RBFOX1: variants seen among roughly 807,000 people sequenced by gnomAD.
The protein encoded by RBFOX1 is RNA binding fox-1 homolog 1, also known as RNA binding protein fox-1 homolog 1.
Under a neutral mutation model 57.7 loss-of-function variants are expected in RBFOX1, and 8 were observed. The ratio of observed to expected loss-of-function variants is 0.14; its 90% CI spans 0.08 to 0.25. The LOEUF (loss-of-function observed/expected upper bound fraction) is 0.25. RBFOX1 is among the 10% of genes least tolerant of loss of function. The pLI is 1.00. For synonymous variants in RBFOX1, 326 were observed against 222.4 expected (o/e 1.47, Z -4.15); for missense variants, 611 against 548.5 (o/e 1.11, Z -1.14).
At chr16:6,843,990 C>G (rs1256408535) in intron 3 of RBFOX1, among the ~76,000 whole-genome samples, 1 of 152,208 alleles carries the variant, frequency 6.6e-6, no homozygotes. Context: ...TCACTATTAA[C>G]AAAGGATATG....
At chr16:5,814,576 C>G (rs1255050947) in intron 3 of RBFOX1, among the ~76,000 whole-genome samples, 6 of 152,206 alleles carry the variant, frequency 3.9e-5, no homozygotes, top group African/African-American at 1.4e-4. Flanking sequence ...TGAAAGTAGT[C>G]AGCGGTAGAG....
intron 4 of RBFOX1, among the ~76,000 whole-genome samples, chr16:7,299,013 A>T (rs1416778666): frequency 6.6e-6 from 1 of 152,192 alleles, no homozygotes; most frequent in African/African-American, 2.4e-5. Flanking sequence ...TGGTTTATGT[A>T]TCATGTATCT....
chr16:6,500,713 C>A (rs757655952), intron 2 of RBFOX1, among the ~76,000 whole-genome samples: 1 of 151,300 alleles, frequency 6.6e-6, no homozygotes, highest in Non-Finnish European at 1.5e-5. Flanking sequence ...TGGACACTGA[C>A]ATCAACACTT....
intron 4 of RBFOX1, among the ~76,000 whole-genome samples, chr16:7,476,709 G>T (rs988475877): frequency 6.6e-6 from 1 of 152,098 alleles, no homozygotes; most frequent in Non-Finnish European, 1.5e-5. Flanking sequence ...TCCCCAGAAA[G>T]ACCCCTCTGA....
chr16:7,358,868 C>G (rs1167592381), intron 4 of RBFOX1, among the ~76,000 whole-genome samples: 2 of 152,316 alleles, frequency 1.3e-5, no homozygotes, highest in South Asian at 4.1e-4. Flanking sequence ...AAGTAACTTT[C>G]TAAGGACAAG....
At chr16:7,160,311 G>T (rs2078038976) in intron 4 of RBFOX1, among the ~76,000 whole-genome samples, 1 of 151,810 alleles carries the variant, frequency 6.6e-6, no homozygotes. Flanking sequence ...TTAGTCTTCT[G>T]GACTTTGACT....
At chr16:5,675,319 G>A (rs1013803282) in intron 3 of RBFOX1, among the ~76,000 whole-genome samples, 2 of 152,160 alleles carry the variant, frequency 1.3e-5, no homozygotes, top group South Asian at 4.1e-4. Context: ...ACCAGCCCAG[G>A]AAGCTCTCCT....
chr16:6,463,529 G>A (rs1200691696), intron 2 of RBFOX1, among the ~76,000 whole-genome samples: 1 of 152,090 alleles, frequency 6.6e-6, no homozygotes, highest in Non-Finnish European at 1.5e-5. Flanking sequence ...GGGGGTCGGG[G>A]CGGAGTGTAA....
At chr16:6,481,655 T>C (rs1211377862) in intron 2 of RBFOX1, among the ~76,000 whole-genome samples, 1 of 152,214 alleles carries the variant, frequency 6.6e-6, no homozygotes, top group East Asian at 1.9e-4. Flanking sequence ...CCATTTTACC[T>C]GGTGCTGTTG....
At chr16:5,863,462 C>T (rs557673000) in intron 3 of RBFOX1, among the ~76,000 whole-genome samples, 2 of 152,302 alleles carry the variant, frequency 1.3e-5, no homozygotes, top group East Asian at 3.9e-4. Context: ...CTTAAAGAGC[C>T]CTCCATCCTC....
intron 2 of RBFOX1, among the ~76,000 whole-genome samples, chr16:6,371,565 G>A (rs901219230): frequency 2.0e-5 from 3 of 151,894 alleles, no homozygotes; most frequent in Non-Finnish European, 2.9e-5. Context: ...TTATTCCTTG[G>A]CACCAGAAGA....
chr16:7,085,395 C>G (rs2059838315), intron 4 of RBFOX1, among the ~76,000 whole-genome samples: 1 of 152,072 alleles, frequency 6.6e-6, no homozygotes, highest in African/African-American at 2.4e-5. Flanking sequence ...TTTGAAATCT[C>G]TTGGTTTTTA....
chr16:6,352,298 G>A (rs968704610), intron 2 of RBFOX1, among the ~76,000 whole-genome samples: 1 of 151,994 alleles, frequency 6.6e-6, no homozygotes, highest in Non-Finnish European at 1.5e-5. Context: ...TTCTTTTGTT[G>A]CTAGGACCAT....
At chr16:6,421,942 G>A in intron 2 of RBFOX1, among the ~76,000 whole-genome samples, 1 of 23,220 alleles carries the variant, frequency 4.3e-5, no homozygotes, top group South Asian at 1.4e-3. Context: ...TTTTTTTTTT[G>A]TGGAGTCTCA....
chr16:5,905,814 C>T lies in RBFOX1; in HGVS notation c.351+38479C>T, dbSNP rs1044030673. Among the ~76,000 whole-genome samples the T allele has an allele frequency of 3.9e-5, 6 of 152,142 alleles. No individual in the cohort carries two copies. In the East Asian group the frequency reaches 7.7e-4, roughly 20 times the overall value. On this transcript the variant is annotated intron_variant, in intron 4 of 19. Coordinates refer to the RBFOX1 transcript ENST00000641259. The stretch of plus-strand genomic sequence containing the variant: ...CCTCCTGAAGGGTGAGAAAACTGAT[C>T]CACTCCCAAGCCCCAGCAAAGTGAT...
At chr16:7,674,689 C>T (rs183013382) in intron 13 of RBFOX1, among the ~76,000 whole-genome samples, 1 of 152,312 alleles carries the variant, frequency 6.6e-6, no homozygotes, top group Non-Finnish European at 1.5e-5. Flanking sequence ...ATTTTGAGAC[C>T]TTCATAGATG....
At chr16:7,581,602 G>C (rs1368144101) in intron 6 of RBFOX1, among the ~76,000 whole-genome samples, 1 of 152,030 alleles carries the variant, frequency 6.6e-6, no homozygotes, top group Non-Finnish European at 1.5e-5. Context: ...AGGAATCAGA[G>C]AAGGGATCCT....
At chr16:7,351,182 C>T (rs905127370) in intron 4 of RBFOX1, among the ~76,000 whole-genome samples, 6 of 152,198 alleles carry the variant, frequency 3.9e-5, no homozygotes, top group African/African-American at 1.4e-4. Context: ...TTCAGATGGA[C>T]CGAGGTTCCA....
intron 1 of RBFOX1, among the ~76,000 whole-genome samples, chr16:6,210,361 C>CAAAAAAAAAAAAAAA (rs3064933): frequency 1.6e-4 from 10 of 61,446 alleles, no homozygotes; most frequent in East Asian, 1.1e-3. Context: ...AAAAAAACAC[C>CAAAAAAAAAAAAAAA]AAAAAAAAAA....
Sources: gnomAD v4.1 joint callset for allele counts (sites outside exome capture counted in the v4.1 genomes callset) on GRCh38, gnomAD v4.1.1 for gene constraint, MANE v1.5 for transcripts, NCBI Gene and HGNC (gene_info 2026-07-23, HGNC 2026-07-21) for gene names.